The following FRMD4A variants were observed in gnomAD, a reference collection of about 807,000 sequenced individuals.
The protein encoded by FRMD4A is FERM domain-containing protein 4A.
Under a neutral mutation model 129.1 loss-of-function variants are expected in FRMD4A, and 29 were observed. That is an observed-to-expected ratio of 0.22 (90% confidence interval 0.17 to 0.31). FRMD4A has a LOEUF of 0.31. Among genes scored for constraint, FRMD4A ranks in the 10% least tolerant of loss-of-function variants. The pLI is 1.00. For synonymous variants in FRMD4A, 634 were observed against 571.6 expected (o/e 1.11, Z -1.56); for missense variants, 1,272 against 1,375.8 (o/e 0.92, Z 1.19).
chr10:14,202,451 G>A (rs1342318122), intron 2 of FRMD4A, among the ~76,000 whole-genome samples: 1 of 152,050 alleles, frequency 6.6e-6, no homozygotes, highest in African/African-American at 2.4e-5. Context: ...GCCCAGGCTG[G>A]GGTGCAGTGG....
At chr10:14,140,767 A>C (rs1275854047) in intron 2 of FRMD4A, among the ~76,000 whole-genome samples, 1 of 152,006 alleles carries the variant, frequency 6.6e-6, no homozygotes, top group African/African-American at 2.4e-5. Context: ...ACATGTAGGT[A>C]TATATATATA....
At chr10:13,835,005 A>G (rs1217654363) in intron 3 of FRMD4A, among the ~76,000 whole-genome samples, 2 of 152,212 alleles carry the variant, frequency 1.3e-5, no homozygotes, top group Non-Finnish European at 2.9e-5. Flanking sequence ...GATATCATCT[A>G]TCTAAGACCC....
At chr10:14,185,038 G>C (rs1487950768) in intron 2 of FRMD4A, among the ~76,000 whole-genome samples, 1 of 152,154 alleles carries the variant, frequency 6.6e-6, no homozygotes, top group Non-Finnish European at 1.5e-5. Context: ...TTTGAATCTA[G>C]GTCCCTGGGC....
chr10:13,652,108 C>T, intron 23 of FRMD4A, 134 bp from the exon 24 acceptor site: 1 of 692,816 alleles, frequency 1.4e-6, no homozygotes. Flanking sequence ...GAGTTAGCAA[C>T]AGATCATACA....
intron 2 of FRMD4A, among the ~76,000 whole-genome samples, chr10:14,202,597 C>T (rs1842671625): frequency 1.3e-5 from 2 of 151,966 alleles, no homozygotes; most frequent in Non-Finnish European, 2.9e-5. Flanking sequence ...GACGGGGTTT[C>T]ACCATATTGG....
chr10:13,796,632 A>G (rs778322163), intron 4 of FRMD4A, 44 bp from the exon 5 acceptor site: 1 of 1,091,432 alleles, frequency 9.2e-7, no homozygotes, highest in Admixed American at 1.7e-5. Context: ...TGCATTTTGC[A>G]GAAGTTTTTT....
chr10:13,781,621 G>T (rs547964801), intron 6 of FRMD4A, among the ~76,000 whole-genome samples: 1 of 151,908 alleles, frequency 6.6e-6, no homozygotes, highest in Non-Finnish European at 1.5e-5. Flanking sequence ...CAGGTGATCC[G>T]CCTGCCTCGG....
At chr10:14,000,968 T>C (rs1427132041) in intron 2 of FRMD4A, among the ~76,000 whole-genome samples, 2 of 152,156 alleles carry the variant, frequency 1.3e-5, no homozygotes, top group African/African-American at 4.8e-5. Flanking sequence ...TCAAGGAGCC[T>C]AAATAGTTTT....
At chr10:14,019,425 T>C (rs1565189152) in intron 2 of FRMD4A, among the ~76,000 whole-genome samples, 1 of 152,222 alleles carries the variant, frequency 6.6e-6, no homozygotes. Context: ...ATAACATTTC[T>C]CAGATGTAAA....
chr10:14,231,667 C>T (rs570083708), intron 2 of FRMD4A, among the ~76,000 whole-genome samples: 1 of 152,252 alleles, frequency 6.6e-6, no homozygotes, highest in Admixed American at 6.5e-5. Flanking sequence ...TTTTGACTTG[C>T]ATTTCTCTAT....
At chr10:14,156,005 C>T (rs1840578072) in intron 2 of FRMD4A, among the ~76,000 whole-genome samples, 1 of 152,070 alleles carries the variant, frequency 6.6e-6, no homozygotes, top group Non-Finnish European at 1.5e-5. Context: ...ACACCTGTAC[C>T]TCACAGCCCA....
At chr10:13,916,197 T>C (rs1173357645) in intron 2 of FRMD4A, among the ~76,000 whole-genome samples, 1 of 152,190 alleles carries the variant, frequency 6.6e-6, no homozygotes, top group Non-Finnish European at 1.5e-5. Flanking sequence ...TCATTCTCTC[T>C]TCCCCACCAG....
chr10:14,078,536 T>C (rs1409238865), intron 2 of FRMD4A, among the ~76,000 whole-genome samples: 1 of 152,242 alleles, frequency 6.6e-6, no homozygotes, highest in Non-Finnish European at 1.5e-5. Context: ...CCTGTCTCTC[T>C]CAACAGTAAG....
rs1032997159 is a variant in FRMD4A at position 13,644,938 on chromosome 10, G to A, written c.*2100C>T. 6.6e-6 allele frequency: 1 copy of A among 152,258 alleles called. No individual in the cohort carries two copies. Among genetic ancestry groups the A allele is most frequent in the African/African-American group, 2.4e-5 (1 of 41,460 alleles). The allele number at this position is 152,258 out of a possible 1,614,324, so 9.4% of individuals were successfully genotyped here. On this transcript the variant is annotated 3_prime_UTR_variant, in exon 25 of 25. Transcript: ENST00000357447. Reference sequence around the variant, plus strand: ...GCAGGTGTACACTTAAAGCGTTCTGGGAATATGAATCCCTTCTGCACCCTG... The same window carrying A: ...GCAGGTGTACACTTAAAGCGTTCTGAGAATATGAATCCCTTCTGCACCCTG...
chr10:14,292,288 T>C (rs145769936), intron 2 of FRMD4A, among the ~76,000 whole-genome samples: 2 of 152,338 alleles, frequency 1.3e-5, no homozygotes, highest in African/African-American at 4.8e-5. Flanking sequence ...TACTGGCATG[T>C]GTATGAGAAA....
chr10:13,853,492 C>A (rs1362765970), intron 3 of FRMD4A, among the ~76,000 whole-genome samples: 1 of 151,752 alleles, frequency 6.6e-6, no homozygotes, highest in Non-Finnish European at 1.5e-5. Context: ...GAGCTGTAAT[C>A]GCACCACTGC....
intron 2 of FRMD4A, among the ~76,000 whole-genome samples, chr10:14,072,086 A>G (rs757658190): frequency 6.6e-6 from 1 of 152,226 alleles, no homozygotes; most frequent in South Asian, 2.1e-4. Context: ...TAAAGTAAAA[A>G]TTCTCTTGGG....
chr10:14,202,257 C>T (rs11597099), intron 2 of FRMD4A, among the ~76,000 whole-genome samples: 78,105 of 151,968 alleles, frequency 0.51, 21,807 homozygotes, highest in Non-Finnish European at 0.63. Flanking sequence ...CCTGTCTGTG[C>T]CCCAGCCTGA....
At chr10:13,979,541 G>A (rs1412110406) in intron 2 of FRMD4A, among the ~76,000 whole-genome samples, 2 of 152,158 alleles carry the variant, frequency 1.3e-5, no homozygotes, top group Admixed American at 6.5e-5. Context: ...ATATGAAGGA[G>A]GTGAAGTAGA....
Sources: allele counts gnomAD v4.1 joint callset (sites outside exome capture counted in the v4.1 genomes callset), GRCh38; gene constraint gnomAD v4.1.1; transcripts MANE v1.5; gene names NCBI Gene and HGNC (gene_info 2026-07-23, HGNC 2026-07-21).